NKAIN3: variants seen among roughly 807,000 people sequenced by gnomAD.
NKAIN3 encodes sodium/potassium transporting ATPase interacting 3.
A neutral mutation model predicts 30.2 loss-of-function variants in NKAIN3; 25 were observed. The observed-to-expected ratio is 0.83, with a 90% CI of 0.60 to 1.16. The LOEUF (loss-of-function observed/expected upper bound fraction) is 1.16. NKAIN3 is among the 50% of genes most tolerant of loss of function. The pLI, the probability that NKAIN3 is intolerant of heterozygous loss-of-function variation, is 0.00. For missense variants in NKAIN3, 225 were observed against 254.1 expected (o/e 0.89, Z 0.78); for synonymous variants, 91 against 89.6 (o/e 1.02, Z -0.09).
rs186222609 is a variant in NKAIN3, at chr8:62,794,301, A to G, written c.471+47172A>G. Among the ~76,000 whole-genome samples the G allele has an allele frequency of 6.4e-4, 98 of 152,354 alleles. No homozygotes were observed. The East Asian group carries it at 0.018, about 28-fold the overall frequency. On this transcript the variant is annotated intron_variant, in intron 4 of 6. Coordinates refer to ENST00000623646, the MANE Select transcript of NKAIN3 (RefSeq NM_001304533.3). ...GGCTCCAATAAATATCAAATAAATC[A>G]TGAGACAAATGTCATAGACAACTCC... is the stretch of plus-strand genomic sequence containing the variant.
chr8:62,948,830 C>T (rs992910958), intron 5 of NKAIN3, among the ~76,000 whole-genome samples: 3 of 152,144 alleles, frequency 2.0e-5, no homozygotes, highest in Admixed American at 2.0e-4. Context: ...CTTCATCTAA[C>T]GGTGTTAATT....
At position 62,341,160 on chromosome 8, in the gene NKAIN3, A is replaced by G. The variant is rs1038296046; in HGVS notation, c.54+92033A>G. Among the ~76,000 whole-genome samples, 7 of 152,166 alleles carry G rather than the reference A, an allele frequency of 4.6e-5. No homozygotes were observed. The East Asian group carries it at 1.4e-3, about 30-fold the overall frequency. ...ATTTGAGCTTTCAAAGACAAGTTAC[A>G]CAAGTGACAATGGGGAATTTGATCT... On this transcript the variant is annotated intron_variant, in intron 1 of 6. Coordinates refer to ENST00000623646, the MANE Select transcript of NKAIN3 (RefSeq NM_001304533.3).
intron 1 of NKAIN3, among the ~76,000 whole-genome samples, chr8:62,543,098 A>G (rs958915492): frequency 6.6e-6 from 1 of 152,194 alleles, no homozygotes; most frequent in Non-Finnish European, 1.5e-5. Context: ...TTCTCTCAAC[A>G]TTCAGTCTCT....
intron 1 of NKAIN3, among the ~76,000 whole-genome samples, chr8:62,397,651 A>G (rs1406497126): frequency 6.6e-6 from 1 of 152,116 alleles, no homozygotes; most frequent in Admixed American, 6.5e-5. Context: ...AATAGATGGT[A>G]AATTTTACAT....
At chr8:62,522,800 G>A (rs1265697649) in intron 1 of NKAIN3, among the ~76,000 whole-genome samples, 1 of 151,940 alleles carries the variant, frequency 6.6e-6, no homozygotes, top group Non-Finnish European at 1.5e-5. Context: ...TTTTACAGCT[G>A]TAAAGTGCAT....
intron 3 of NKAIN3, among the ~76,000 whole-genome samples, chr8:62,714,582 A>T (rs749440384): frequency 4.6e-5 from 7 of 152,194 alleles, no homozygotes; most frequent in Non-Finnish European, 8.8e-5. Context: ...AAAAATACCA[A>T]GGCTTAATAT....
At chr8:62,956,666 TA>T (rs969979047) in intron 6 of NKAIN3, among the ~76,000 whole-genome samples, 18 of 152,056 alleles carry the variant, frequency 1.2e-4, no homozygotes, top group East Asian at 3.9e-4. Flanking sequence ...GATATCAAGC[TA>T]AAAAAAAGCC....
chr8:62,800,878 C>G (rs1011797249), intron 4 of NKAIN3, among the ~76,000 whole-genome samples: 1 of 149,274 alleles, frequency 6.7e-6, no homozygotes, highest in Non-Finnish European at 1.5e-5. Flanking sequence ...AAAGGGGTGA[C>G]AGACGGCACC....
intron 4 of NKAIN3, among the ~76,000 whole-genome samples, chr8:62,780,166 T>G (rs1472791658): frequency 6.6e-6 from 1 of 152,118 alleles, no homozygotes; most frequent in East Asian, 1.9e-4. Context: ...TGAACCATTA[T>G]AAGCTAACAA....
chr8:62,369,534 C>T (rs1038518596), intron 1 of NKAIN3, among the ~76,000 whole-genome samples: 2 of 152,050 alleles, frequency 1.3e-5, no homozygotes, highest in Non-Finnish European at 2.9e-5. Context: ...GCCAACAGAG[C>T]AGTCATACTA....
intron 3 of NKAIN3, among the ~76,000 whole-genome samples, chr8:62,697,668 G>C (rs1054060204): frequency 2.0e-5 from 3 of 152,066 alleles, no homozygotes; most frequent in East Asian, 3.9e-4. Flanking sequence ...GTCTATTTTA[G>C]TTGATGTTTG....
At chr8:62,426,047 ACT>A (rs1471646198) in intron 1 of NKAIN3, among the ~76,000 whole-genome samples, 1 of 151,840 alleles carries the variant, frequency 6.6e-6, no homozygotes. Context: ...AGTTTTTCAC[ACT>A]CTTCAAAAAT....
At chr8:62,949,284 A>G (rs1202864067) in intron 5 of NKAIN3, among the ~76,000 whole-genome samples, 5 of 152,216 alleles carry the variant, frequency 3.3e-5, no homozygotes, top group Admixed American at 2.6e-4. Flanking sequence ...CTGAATCAGT[A>G]GCACTGAATT....
chr8:62,366,753 T>C (rs2882745), intron 1 of NKAIN3, among the ~76,000 whole-genome samples: 147,416 of 152,076 alleles, frequency 0.97, 71,508 homozygotes, highest in East Asian at 1. Flanking sequence ...TGAGTTTGTT[T>C]TTTTTCTTGT....
At chr8:62,345,776 A>G (rs1259801087) in intron 1 of NKAIN3, among the ~76,000 whole-genome samples, 1 of 151,744 alleles carries the variant, frequency 6.6e-6, no homozygotes, top group Non-Finnish European at 1.5e-5. Context: ...TCTTTTGCCT[A>G]ATTTTTCAGC....
chr8:62,615,428 G>C (rs1054466785), intron 3 of NKAIN3, among the ~76,000 whole-genome samples: 1 of 152,148 alleles, frequency 6.6e-6, no homozygotes, highest in African/African-American at 2.4e-5. Context: ...GAGCTGTGAA[G>C]TGTGGAGTTA....
intron 3 of NKAIN3, among the ~76,000 whole-genome samples, chr8:62,741,362 AGAAG>A (rs200947376): frequency 0.36 from 48,830 of 137,508 alleles, 9,307 homozygotes; most frequent in South Asian, 0.43. Flanking sequence ...AGAGAGAGAA[AGAAG>A]GAAGGAAGGA....
chr8:62,458,336 T>C (rs1014008002), intron 1 of NKAIN3, among the ~76,000 whole-genome samples: 8 of 152,192 alleles, frequency 5.3e-5, no homozygotes, highest in African/African-American at 1.9e-4. Context: ...ATAATCACGC[T>C]AAGTATATAA....
At chr8:62,821,384 C>A (rs536604180) in intron 4 of NKAIN3, among the ~76,000 whole-genome samples, 5 of 152,206 alleles carry the variant, frequency 3.3e-5, no homozygotes, top group South Asian at 2.1e-4. Context: ...ACTTAAATAT[C>A]TTTTCTATTC....
Sources: allele counts gnomAD v4.1 joint callset (sites outside exome capture counted in the v4.1 genomes callset), GRCh38; gene constraint gnomAD v4.1.1; transcripts MANE v1.5; gene names NCBI Gene and HGNC (gene_info 2026-07-23, HGNC 2026-07-21).